Variants in LYPD6B observed in about 807,000 individuals in gnomAD.
The protein encoded by LYPD6B is LY6/PLAUR domain containing 6B, also known as ly6/PLAUR domain-containing protein 6B.
A neutral mutation model predicts 22.8 loss-of-function variants in LYPD6B; 17 were observed. The observed-to-expected ratio is 0.75, with a 90% CI of 0.51 to 1.12. LYPD6B has a LOEUF of 1.12. LYPD6B is among the 50% of genes most tolerant of loss of function. The probability of loss-of-function intolerance (pLI) is 0.00; values close to 1 mark genes in which losing one functional copy is unlikely to be tolerated. For missense variants in LYPD6B, 221 were observed against 258.3 expected, an observed-to-expected ratio of 0.86 and a Z score of 0.99; for synonymous variants, 106 against 91.6, an observed-to-expected ratio of 1.16 and a Z score of -0.90.
chr2:149,148,226 C>A (rs1413140770), intron 2 of LYPD6B, among the ~76,000 whole-genome samples: 1 of 152,092 alleles, frequency 6.6e-6, no homozygotes. Context: ...TTTAGGTGAA[C>A]CCTTGCTTAG....
chr2:149,067,995 T>G (rs1276509211), intron 1 of LYPD6B, among the ~76,000 whole-genome samples: 2 of 152,176 alleles, frequency 1.3e-5, no homozygotes, highest in Non-Finnish European at 2.9e-5. Context: ...AAGTCCTGTT[T>G]TTCTAAGGTG....
chr2:149,143,975 T>C (rs1688855734), intron 2 of LYPD6B: 1 of 152,242 alleles, frequency 6.6e-6, no homozygotes. Context: ...GGTCAGCAAG[T>C]CCTGAGAGAT....
intron 3 of LYPD6B, chr2:149,200,493 A>G (rs1693079215): frequency 6.6e-6 from 1 of 150,806 alleles, no homozygotes; most frequent in Admixed American, 6.7e-5. Context: ...AGTATCTAGC[A>G]TGCACTGAGC....
At chr2:149,094,384 C>T (rs1293311239) in intron 1 of LYPD6B, among the ~76,000 whole-genome samples, 1 of 152,150 alleles carries the variant, frequency 6.6e-6, no homozygotes, top group Non-Finnish European at 1.5e-5. Context: ...TTGGGGAAAA[C>T]ATTGTGTGCA....
At chr2:149,123,777 T>A (rs1280010668) in intron 1 of LYPD6B, among the ~76,000 whole-genome samples, 1 of 152,148 alleles carries the variant, frequency 6.6e-6, no homozygotes, top group East Asian at 1.9e-4. Flanking sequence ...GGAGAATCGC[T>A]TGAACCCAGG....
chr2:149,171,017 G>T (rs1299288895), intron 3 of LYPD6B, among the ~76,000 whole-genome samples: 1 of 152,190 alleles, frequency 6.6e-6, no homozygotes, highest in African/African-American at 2.4e-5. Context: ...TAGTAGCTGT[G>T]AAAATAAAAC....
chr2:149,208,284 T>C (rs1463710126), intron 4 of LYPD6B, 30 bp from the exon 5 acceptor site: 1 of 1,570,628 alleles, frequency 6.4e-7, no homozygotes, highest in African/African-American at 1.4e-5. Context: ...TTCTGTAGCT[T>C]ACTGTTTCAC....
intron 2 of LYPD6B, among the ~76,000 whole-genome samples, chr2:149,154,578 C>T (rs987282976): frequency 2.6e-5 from 4 of 152,138 alleles, no homozygotes; most frequent in Non-Finnish European, 4.4e-5. Context: ...CCAACCAGCT[C>T]CATCCTAAAC....
intron 3 of LYPD6B, among the ~76,000 whole-genome samples, chr2:149,195,150 G>A (rs576276560): frequency 2.6e-5 from 4 of 152,288 alleles, no homozygotes; most frequent in South Asian, 2.1e-4. Context: ...ATCTGCAAGC[G>A]TATGAGGTCT....
chr2:149,158,823 C>T (rs1689868543), intron 2 of LYPD6B, among the ~76,000 whole-genome samples: 1 of 152,180 alleles, frequency 6.6e-6, no homozygotes, highest in Non-Finnish European at 1.5e-5. Context: ...TAAAAACCTG[C>T]CTGAGGGCAG....
At chr2:149,103,661 C>T (rs1686322866) in intron 1 of LYPD6B, among the ~76,000 whole-genome samples, 1 of 152,074 alleles carries the variant, frequency 6.6e-6, no homozygotes, top group Non-Finnish European at 1.5e-5. Flanking sequence ...CCCATCTCTG[C>T]CTGCCCTGTT....
In LYPD6B at chr2:149,203,430, T is replaced by A. The variant is rs183546525; in HGVS notation, c.78-1823T>A. Among the ~76,000 whole-genome samples the A allele has an allele frequency of 2.6e-3, 390 of 152,266 alleles. 2 individuals are homozygous for A. Among genetic ancestry groups the A allele is most frequent in the Non-Finnish European group, 4.4e-3 (301 of 68,028 alleles). ...ATAAAGAAGGGTATAATAATGACTA[T>A]GGAATAGACCAACTCAGAGAAATGA... On this transcript the variant is annotated intron_variant, in intron 3 of 6. Coordinates refer to ENST00000409642, the MANE Select transcript of LYPD6B (RefSeq NM_177964.5).
At chr2:149,124,802 C>T (rs1019840023) in intron 1 of LYPD6B, among the ~76,000 whole-genome samples, 18 of 152,144 alleles carry the variant, frequency 1.2e-4, no homozygotes, top group African/African-American at 4.3e-4. Flanking sequence ...AAGTTAGGTT[C>T]CAATTGCAGT....
At chr2:149,180,668 C>T (rs957473494) in intron 3 of LYPD6B, among the ~76,000 whole-genome samples, 5 of 152,204 alleles carry the variant, frequency 3.3e-5, no homozygotes, top group South Asian at 2.1e-4. Flanking sequence ...TCACTTCTGG[C>T]GATCTGAGGC....
intron 3 of LYPD6B, among the ~76,000 whole-genome samples, chr2:149,187,068 G>C (rs1338070591): frequency 6.6e-6 from 1 of 152,158 alleles, no homozygotes; most frequent in African/African-American, 2.4e-5. Flanking sequence ...TTAAAATTAA[G>C]GTAGGTACAA....
At chr2:149,128,729 T>C (rs1319238088) in intron 1 of LYPD6B, among the ~76,000 whole-genome samples, 1 of 152,224 alleles carries the variant, frequency 6.6e-6, no homozygotes, top group Non-Finnish European at 1.5e-5. Context: ...TTAGGGAAAT[T>C]ACAGAGCCTT....
At chr2:149,105,836 A>G (rs1050159093) in intron 1 of LYPD6B, among the ~76,000 whole-genome samples, 1 of 152,148 alleles carries the variant, frequency 6.6e-6, no homozygotes, top group African/African-American at 2.4e-5. Flanking sequence ...GCAATACTGA[A>G]CAGAATGGTG....
chr2:149,184,536 A>T (rs113805299), intron 3 of LYPD6B, among the ~76,000 whole-genome samples: 2 of 152,226 alleles, frequency 1.3e-5, no homozygotes, highest in African/African-American at 4.8e-5. Flanking sequence ...TTGATATACC[A>T]CTACCTAGTA....
chr2:149,192,280 G>A (rs1039268556), intron 3 of LYPD6B, among the ~76,000 whole-genome samples: 2 of 152,098 alleles, frequency 1.3e-5, no homozygotes, highest in African/African-American at 2.4e-5. Context: ...TTTACCTAAC[G>A]ACATATTTTT....
Sources: allele counts gnomAD v4.1 joint callset (sites outside exome capture counted in the v4.1 genomes callset), GRCh38; gene constraint gnomAD v4.1.1; transcripts MANE v1.5; gene names NCBI Gene and HGNC (gene_info 2026-07-23, HGNC 2026-07-21).